OS9: variants seen among roughly 807,000 people sequenced by gnomAD.
OS9 encodes the protein protein OS-9.
A neutral mutation model predicts 84.7 loss-of-function variants in OS9; 58 were observed. That is an observed-to-expected ratio of 0.68 (90% confidence interval 0.55 to 0.85). The LOEUF (loss-of-function observed/expected upper bound fraction) is 0.85, where lower values mean the gene tolerates loss of function less well. OS9 is among the 40% of genes least tolerant of loss of function. The pLI is 0.00. For missense variants in OS9, 760 were observed against 850.9 expected, an observed-to-expected ratio of 0.89 and a Z score of 1.33; for synonymous variants, 278 against 320.8, an observed-to-expected ratio of 0.87 and a Z score of 1.43.
In OS9 at chr12:57,719,056, G is replaced by A. The variant is rs1399380149; in HGVS notation, c.1474G>A (p.Ala492Thr). ...GTCAGAGCGGGATCGGGCAATGCTG[G>A]CTCTCACATCCACTCTCAACAAACT... ...KESERDRAMLALTSTLNKLIK... is the reference protein window; with the variant it reads ...KESERDRAMLTLTSTLNKLIK... Residue 492 changes from alanine (A) to threonine (T), a missense_variant, in exon 12 of 15, where the codon GCT becomes ACT. Physicochemically the swap from Ala to Thr is moderately conservative, Grantham distance 58. Transcript: ENST00000315970. The A allele has an allele frequency of 1.2e-6, 2 of 1,614,056 alleles. No homozygotes were observed. Among genetic ancestry groups the A allele is most frequent in the Admixed American group, 1.7e-5 (1 of 60,014 alleles).
chr12:57,720,052 G>C, intron 12 of OS9, 47 bp from the exon 13 acceptor site: 3 of 1,583,652 alleles, frequency 1.9e-6, no homozygotes, highest in Non-Finnish European at 2.6e-6. Flanking sequence ...CCTAACCCTG[G>C]AGTCACGCCT....
chr12:57,697,667 AGGGACAAGGTCT>A (rs1953886660), intron 5 of OS9, among the ~76,000 whole-genome samples: 1 of 152,206 alleles, frequency 6.6e-6, no homozygotes, highest in South Asian at 2.1e-4. Flanking sequence ...TCTGGAATTC[AGGGACAAGGTCT>A]GGGATAGAGA....
rs1414927284 is a variant in OS9 at position 57,715,895 on chromosome 12, G to A, written c.715G>A (p.Ala239Thr). Residue 239 changes from alanine (A) to threonine (T), a missense_variant, in exon 6 of 15, where the codon GCT (alanine) becomes ACT (threonine). Coordinates refer to ENST00000315970, the MANE Select transcript of OS9 (RefSeq NM_006812.4). ...CCCTCTCCTCCGGCCCCCACCCAGT[G>A]CTGCACCGCAGGCCATCCTCTGTCA... The part of the protein sequence containing the change: ...PHPLLRPPPS[A>T]APQAILCHPS... 1.9e-6 allele frequency: 3 copies of A among 1,613,408 alleles called. No homozygotes were observed.
intron 5 of OS9, among the ~76,000 whole-genome samples, chr12:57,704,767 T>C (rs1357534479): frequency 1.3e-5 from 2 of 152,224 alleles, no homozygotes; most frequent in Non-Finnish European, 2.9e-5. Context: ...AATTCCAATA[T>C]AGTCAAACTT....
At chr12:57,710,694 A>G (rs7977683) in intron 5 of OS9, among the ~76,000 whole-genome samples, 7,679 of 152,228 alleles carry the variant, frequency 0.05, 527 homozygotes, top group African/African-American at 0.15. Flanking sequence ...TAAATAGATA[A>G]TACTTTCCCA....
At chr12:57,702,695 G>C (rs1273451410) in intron 5 of OS9, among the ~76,000 whole-genome samples, 1 of 152,164 alleles carries the variant, frequency 6.6e-6, no homozygotes, top group Non-Finnish European at 1.5e-5. Context: ...TAGTAGCAGT[G>C]CACAGGGTTC....
chr12:57,720,204 T>C lies in OS9; in HGVS notation c.1706T>C (p.Leu569Pro). 6.2e-7 allele frequency: 1 copy of C among 1,614,132 alleles called. No individual in the cohort carries two copies. Among genetic ancestry groups the C allele is most frequent in the Non-Finnish European group, 8.5e-7 (1 of 1,180,028 alleles). Residue 569 changes from leucine to proline, a missense_variant, in exon 13 of 15, where the codon CTG becomes CCG. Coordinates refer to ENST00000315970, the MANE Select transcript of OS9 (RefSeq NM_006812.4). ...VLEMKRENPQ[L>P]KQIEGLVKEL... ...GAGATGAAACGGGAAAACCCACAGC[T>C]GAAACAAATCGAGGGGCTGGTGAAG...
chr12:57,719,024 A>G lies in OS9; in HGVS notation c.1442A>G (p.Lys481Arg). ...TEKELDPDGL[K>R]KESERDRAML... ...AAAGAGCTGGACCCAGATGGGCTGA[A>G]GAAGGAGTCAGAGCGGGATCGGGCA... The change falls in exon 12 of 15, where the codon AAG becomes AGG. Residue 481 changes from lysine to arginine, a missense_variant. Coordinates refer to ENST00000315970, the MANE Select transcript of OS9 (RefSeq NM_006812.4). The G allele has an allele frequency of 6.2e-7, 1 of 1,613,328 alleles. No homozygotes were observed.
intron 2 of OS9, 141 bp downstream of exon 2, chr12:57,695,067 CA>C (rs1259964829): frequency 6.7e-5 from 46 of 689,298 alleles, no homozygotes; most frequent in Non-Finnish European, 1.1e-4. Flanking sequence ...ATTACACGGA[CA>C]GGAAAGAAGC....
At chr12:57,716,803 G>A (rs1954515061) in intron 9 of OS9, 59 bp downstream of exon 9, 7 of 1,489,964 alleles carry the variant, frequency 4.7e-6, no homozygotes, top group African/African-American at 1.4e-5. Context: ...CAGGGGTAGG[G>A]ATGGAGGGGA....
rs147284809 is a variant in OS9 at position 57,694,809 on chromosome 12, C to G, written c.222C>G (p.Arg74=). 6.2e-7 allele frequency: 1 copy of G among 1,613,966 alleles called. No homozygotes were observed. Among genetic ancestry groups the G allele is most frequent in the African/African-American group, 1.3e-5 (1 of 74,922 alleles). ...AGTACAAACAGCGCTATGAGTGTCG[C>G]CTGCCAGCTGGAGCTATTCACTTCC... ...SSKYKQRYEC[R]LPAGAIHFQR... Residue 74 remains arginine (R), a synonymous_variant, in exon 2 of 15, where the codon CGC becomes CGG. Transcript: ENST00000315970.
chr12:57,706,186 C>G (rs1385883780), intron 5 of OS9, among the ~76,000 whole-genome samples: 1 of 152,122 alleles, frequency 6.6e-6, no homozygotes, highest in Non-Finnish European at 1.5e-5. Flanking sequence ...CATTCTGTAC[C>G]TAGACTGCTG....
intron 2 of OS9, 85 bp downstream of exon 2, chr12:57,695,011 C>A: frequency 8.1e-7 from 1 of 1,232,316 alleles, no homozygotes; most frequent in Non-Finnish European, 1.2e-6. Flanking sequence ...GAGGCAGGAT[C>A]TAGGGGACCT....
rs1954667998 is a variant in OS9, at chr12:57,721,103, A to G, written c.*194A>G. On this transcript the variant is annotated 3_prime_UTR_variant, in exon 15 of 15. Transcript: ENST00000315970. Reference sequence around the variant, plus strand: ...TGCCCCTGCTGGCAGCCACCTTGAGACCTCACCGGGCCTGTGATATTTGCT... The same window carrying G: ...TGCCCCTGCTGGCAGCCACCTTGAGGCCTCACCGGGCCTGTGATATTTGCT... 3.5e-6 allele frequency: 2 copies of G among 578,738 alleles called. No individual in the cohort carries two copies. The allele number at this position is 578,738 out of a possible 1,614,324, so 35.9% of individuals were successfully genotyped here.
chr12:57,708,761 G>A (rs1037765512), intron 5 of OS9, among the ~76,000 whole-genome samples: 1 of 152,150 alleles, frequency 6.6e-6, no homozygotes, highest in African/African-American at 2.4e-5. Context: ...TAACACACAA[G>A]TGCTGCACTG....
chr12:57,708,295 T>C (rs1365787938), intron 5 of OS9, among the ~76,000 whole-genome samples: 1 of 151,710 alleles, frequency 6.6e-6, no homozygotes, highest in African/African-American at 2.4e-5. Flanking sequence ...AATGCACATA[T>C]AAGCATATAT....
chr12:57,719,168 C>T lies in OS9; in HGVS notation c.1586C>T (p.Ser529Leu). 1 of 1,614,044 alleles carries T rather than the reference C, an allele frequency of 6.2e-7. No homozygotes were observed. The highest frequency in any genetic ancestry group is 1.7e-4 in the Middle Eastern group (1 of 6,056). Residue 529 changes from serine to leucine, a missense_variant, in exon 12 of 15, where the codon TCA (serine) becomes TTA (leucine). Coordinates refer to ENST00000315970, the MANE Select transcript of OS9 (RefSeq NM_006812.4). ...KRVVPKKPPPSPQPTEEDPEH... is the reference protein window; with the variant it reads ...KRVVPKKPPPLPQPTEEDPEH... ...GTTGTCCCCAAAAAGCCTCCCCCATCACCCCAACCTACAGGTGAGAGCAGT... is the reference window on the plus strand; with the variant it reads ...GTTGTCCCCAAAAAGCCTCCCCCATTACCCCAACCTACAGGTGAGAGCAGT...
chr12:57,697,862 A>AC (rs1953892746), intron 5 of OS9, among the ~76,000 whole-genome samples: 1 of 116,356 alleles, frequency 8.6e-6, no homozygotes, highest in Non-Finnish European at 1.8e-5. Context: ...AACATAAGCA[A>AC]ACACACACAC....
intron 5 of OS9, among the ~76,000 whole-genome samples, chr12:57,698,964 A>G (rs1346175780): frequency 6.6e-6 from 1 of 152,190 alleles, no homozygotes; most frequent in Non-Finnish European, 1.5e-5. Flanking sequence ...TATAGCAAAG[A>G]TTGAGAGCTC....
Sources: gnomAD v4.1 joint callset for allele counts (sites outside exome capture counted in the v4.1 genomes callset) on GRCh38, gnomAD v4.1.1 for gene constraint, MANE v1.5 for transcripts, NCBI Gene and HGNC (gene_info 2026-07-23, HGNC 2026-07-21) for gene names.